The following NOL4L variants were observed in gnomAD, a reference collection of about 807,000 sequenced individuals.
The protein encoded by NOL4L is nucleolar protein 4-like.
A neutral mutation model predicts 64.5 loss-of-function variants in NOL4L; 7 were observed. That is an observed-to-expected ratio of 0.11 (90% CI 0.06 to 0.20). The LOEUF is 0.20. Among genes scored for constraint, NOL4L ranks in the 10% least tolerant of loss-of-function variants. NOL4L has a pLI of 1.00. For synonymous variants in NOL4L, 413 were observed against 401.0 expected (o/e 1.03, Z -0.36); for missense variants, 680 against 967.1 (o/e 0.70, Z 3.94).
chr20:32,454,912 G>A (rs1462304360), intron 6 of NOL4L, among the ~76,000 whole-genome samples: 1 of 152,208 alleles, frequency 6.6e-6, no homozygotes, highest in Non-Finnish European at 1.5e-5. Flanking sequence ...CCACAGCACG[G>A]CCCCCGCCAG....
chr20:32,517,714 G>A (rs2017733214), intron 3 of NOL4L, among the ~76,000 whole-genome samples: 1 of 152,212 alleles, frequency 6.6e-6, no homozygotes, highest in South Asian at 2.1e-4. Flanking sequence ...CCTGGACGTT[G>A]GCAGCCTTGT....
intron 4 of NOL4L, chr20:32,509,922 C>A (rs77508951): frequency 7.7e-7 from 1 of 1,304,178 alleles, no homozygotes; most frequent in African/African-American, 1.5e-5. Context: ...AAGCCAGGTG[C>A]CGGAGACAGT....
intron 1 of NOL4L, among the ~76,000 whole-genome samples, chr20:32,544,989 C>G (rs2018712377): frequency 6.6e-6 from 1 of 152,190 alleles, no homozygotes; most frequent in Non-Finnish European, 1.5e-5. Flanking sequence ...AGGTTCAGAT[C>G]TAGGCAGTGT....
At position 32,453,800 on chromosome 20, in the gene NOL4L, G is replaced by A. The variant is rs1456580796; in HGVS notation, c.1120-39C>T. On this transcript the variant is annotated intron_variant, in intron 6 of 10. Transcript: ENST00000621426. The surrounding 1 kb of genome is among the most constrained non-coding windows in gnomAD (Gnocchi z 5.6). ...AAGAGGCAGAGGGTTGGGCCAAGCA[G>A]CTGCTCAAGCCCTTGCTGGGTCTCC... The A allele has an allele frequency of 6.5e-7, 1 of 1,540,660 alleles. No homozygotes were observed. Among genetic ancestry groups the A allele is most frequent in the Non-Finnish European group, 8.8e-7 (1 of 1,138,358 alleles).
At chr20:32,493,195 C>T (rs2016536066) in intron 4 of NOL4L, among the ~76,000 whole-genome samples, 1 of 152,182 alleles carries the variant, frequency 6.6e-6, no homozygotes, top group Non-Finnish European at 1.5e-5. Flanking sequence ...TAAGGACCCT[C>T]CACAGGCTGT....
Position 32,584,095 on chromosome 20 carries a change from T to TCC in NOL4L, c.321+473_321+474dup, listed in dbSNP as rs1194458873. ...CGTCCCGCGGCTGCCCCTGCCTCCC[T>TCC]CCCCCCCCCCCACCCCGCGGCACCA... On this transcript the variant is annotated intron_variant, in intron 1 of 10. Transcript: ENST00000621426. Among the ~76,000 whole-genome samples the TCC allele has an allele frequency of 3.3e-3, 108 of 32,430 alleles. 5 individuals are homozygous for TCC. Among genetic ancestry groups the TCC allele is most frequent in the East Asian group, 0.033 (24 of 732 alleles). The allele number at this position is 32,430 out of a possible 152,430, so 21.3% of individuals were successfully genotyped here. A position where few individuals can be genotyped will look rare whatever the true frequency, so the allele number is the denominator to read the frequency against.
chr20:32,524,728 G>C (rs2018066745), intron 2 of NOL4L, among the ~76,000 whole-genome samples: 1 of 152,194 alleles, frequency 6.6e-6, no homozygotes. Flanking sequence ...CACAGGCATG[G>C]ATGGGTGGGG....
intron 1 of NOL4L, among the ~76,000 whole-genome samples, chr20:32,555,815 C>T (rs537567165): frequency 1.1e-4 from 16 of 152,232 alleles, no homozygotes; most frequent in South Asian, 4.2e-4. Context: ...AACTTCCAGC[C>T]GCCAGAGCTG....
intron 1 of NOL4L, among the ~76,000 whole-genome samples, chr20:32,583,499 G>A (rs1980637709): frequency 6.9e-6 from 1 of 145,344 alleles, no homozygotes; most frequent in Non-Finnish European, 1.5e-5. Flanking sequence ...CCGGCGCGGG[G>A]CGGCCCGGCT....
Position 32,445,558 on chromosome 20 carries a change from T to C in NOL4L, c.*2038A>G, listed in dbSNP as rs1171871839. 6.6e-6 allele frequency: 1 copy of C among 152,226 alleles called. No homozygotes were observed. Among genetic ancestry groups the C allele is most frequent in the African/African-American group, 2.4e-5 (1 of 41,444 alleles). 9.4% of individuals were successfully genotyped at this position (152,226 alleles called of 1,614,324 possible). A position where few individuals can be genotyped will look rare whatever the true frequency, so the allele number is the denominator to read the frequency against. ...TATTGTTCACACACAAAAATAAATA[T>C]TTACACGAATTCAAATGTTGAGTAG... On this transcript the variant is annotated 3_prime_UTR_variant, in exon 11 of 11. Coordinates refer to ENST00000621426, the MANE Select transcript of NOL4L (RefSeq NM_001256798.2).
At chr20:32,583,133 T>A (rs939252338) in intron 1 of NOL4L, among the ~76,000 whole-genome samples, 1 of 151,214 alleles carries the variant, frequency 6.6e-6, no homozygotes, top group African/African-American at 2.4e-5. Context: ...GCAGATGGGC[T>A]GCTGGCGGCC....
intron 4 of NOL4L, among the ~76,000 whole-genome samples, chr20:32,486,256 T>C (rs1162326934): frequency 1.3e-5 from 2 of 152,212 alleles, no homozygotes; most frequent in Admixed American, 6.5e-5. Context: ...CTCCTTAAAG[T>C]GGCCACAGCA....
intron 1 of NOL4L, among the ~76,000 whole-genome samples, chr20:32,566,634 T>C (rs1308492060): frequency 1.3e-5 from 2 of 152,130 alleles, no homozygotes; most frequent in Non-Finnish European, 2.9e-5. Flanking sequence ...ACTTGGAATG[T>C]TTTTCCACCC....
At chr20:32,554,092 G>A (rs62208014) in intron 1 of NOL4L, among the ~76,000 whole-genome samples, 3,128 of 152,208 alleles carry the variant, frequency 0.021, 35 homozygotes, top group African/African-American at 0.032. Context: ...AGGCCAAGGC[G>A]GGCGGATCAC....
At chr20:32,486,825 G>A in intron 4 of NOL4L, 1 of 466,962 alleles carries the variant, frequency 2.1e-6, no homozygotes, top group Middle Eastern at 3.3e-4. Flanking sequence ...CATCACTTGA[G>A]CCATGTGCTC....
At chr20:32,497,357 G>A (rs971507113) in intron 4 of NOL4L, among the ~76,000 whole-genome samples, 1 of 151,894 alleles carries the variant, frequency 6.6e-6, no homozygotes, top group African/African-American at 2.4e-5. Context: ...GGTGGGTCAA[G>A]AACCTGTGTA....
chr20:32,504,053 A>C (rs1164985266), intron 4 of NOL4L, among the ~76,000 whole-genome samples: 6 of 152,066 alleles, frequency 3.9e-5, no homozygotes, highest in African/African-American at 1.4e-4. Context: ...GTATTATGTT[A>C]CTTTATGTAA....
chr20:32,560,920 C>T (rs746570714), intron 1 of NOL4L, among the ~76,000 whole-genome samples: 13 of 152,248 alleles, frequency 8.5e-5, no homozygotes, highest in Non-Finnish European at 1.0e-4. Context: ...CAGTGCCTGC[C>T]GGAGGGGCCT....
In NOL4L at chr20:32,448,052, G is replaced by A. The variant is rs189904792; in HGVS notation, c.1823-236C>T. On this transcript the variant is annotated intron_variant, in intron 10 of 10. Transcript: ENST00000621426. Reference sequence around the variant, plus strand: ...GTGATCTTGCAAGGATCCGGTTTTAGGTGAGGAAGAGGCGGCCTTGGGGCA... The same window carrying A: ...GTGATCTTGCAAGGATCCGGTTTTAAGTGAGGAAGAGGCGGCCTTGGGGCA... Among the ~76,000 whole-genome samples, 4 of 152,310 alleles carry A rather than the reference G, an allele frequency of 2.6e-5. 1 individual carries two copies. Among genetic ancestry groups the A allele is most frequent in the Admixed American group, 2.0e-4 (3 of 15,300 alleles).
Sources: allele counts gnomAD v4.1 joint callset (sites outside exome capture counted in the v4.1 genomes callset), GRCh38; gene constraint gnomAD v4.1.1; non-coding constraint Gnocchi (gnomAD v3.1); transcripts MANE v1.5; gene names NCBI Gene and HGNC (gene_info 2026-07-23, HGNC 2026-07-21).